UGT1A8: variants seen among roughly 807,000 people sequenced by gnomAD.
The protein encoded by UGT1A8 is UDP glucuronosyltransferase family 1 member A8, also known as UDP-glucuronosyltransferase 1A8.
A neutral mutation model predicts 45.3 loss-of-function variants in UGT1A8; 39 were observed. The observed-to-expected ratio is 0.86, with a 90% CI of 0.67 to 1.12. UGT1A8 has a LOEUF of 1.12. Ranked by LOEUF, UGT1A8 falls within the 50% of genes most tolerant of loss-of-function variation. UGT1A8 has a pLI of 0.00. For missense variants in UGT1A8, 719 were observed against 664.9 expected (o/e 1.08, Z -0.90); for synonymous variants, 275 against 249.2 (o/e 1.10, Z -0.97).
chr2:233,760,682 A>G lies in UGT1A8; in HGVS notation c.856-6352A>G. On this transcript the variant is annotated intron_variant, in intron 1 of 4. Transcript: ENST00000373450. ...TTGTCTGGCTGTTCCCACTTACTGC[A>G]CAACAAGGAGCTCATGGCCTCCCTG... The G allele has an allele frequency of 6.2e-7, 1 of 1,614,208 alleles. No homozygotes were observed. The highest frequency in any genetic ancestry group is 1.1e-5 in the South Asian group (1 of 91,088).
Position 233,767,908 on chromosome 2 carries a change from T to C in UGT1A8, c.1047T>C (p.Val349=). ...PSNLANNTIL[V]KWLPQNDLLG... ...ATCTTGCGAACAACACGATACTTGT[T>C]AAGTGGCTACCCCAAAACGATCTGC... The change falls in exon 3 of 5, where the codon GTT becomes GTC. Residue 349 remains valine (V), a synonymous_variant. Coordinates refer to ENST00000373450, the MANE Select transcript of UGT1A8 (RefSeq NM_019076.5). 6.2e-7 allele frequency: 1 copy of C among 1,614,222 alleles called. No individual in the cohort carries two copies.
At chr2:233,708,644 G>A (rs970833084) in intron 1 of UGT1A8, 4 of 152,176 alleles carry the variant, frequency 2.6e-5, no homozygotes, top group African/African-American at 9.7e-5. Context: ...CTAACTACTC[G>A]GAAGGCTGAG....
intron 1 of UGT1A8, among the ~76,000 whole-genome samples, chr2:233,630,377 G>T (rs192137436): frequency 2.4e-4 from 37 of 152,206 alleles, no homozygotes; most frequent in Admixed American, 2.1e-3. Context: ...GTTCCTTAAG[G>T]TGTTGCCTGA....
chr2:233,714,121 CTGTT>C (rs2076367442), intron 1 of UGT1A8, among the ~76,000 whole-genome samples: 1 of 152,078 alleles, frequency 6.6e-6, no homozygotes, highest in African/African-American at 2.4e-5. Flanking sequence ...CTCACGGAGA[CTGTT>C]CGTTTGTAAA....
chr2:233,637,277 T>C (rs1227366089), intron 1 of UGT1A8: 1 of 1,613,978 alleles, frequency 6.2e-7, no homozygotes, highest in South Asian at 1.1e-5. Context: ...TCAATTTGGT[T>C]GTTGCGAACG....
intron 1 of UGT1A8, chr2:233,729,148 C>A: frequency 6.2e-7 from 1 of 1,613,474 alleles, no homozygotes; most frequent in Non-Finnish European, 8.5e-7. Flanking sequence ...ACTCCAGGTT[C>A]CCCTGCCGTG....
rs1285354199 is a variant in UGT1A8 at position 233,768,247 on chromosome 2, C to T, written c.1103C>T (p.Thr368Ile). The part of the protein sequence containing the change: ...LGHPMTRAFI[T>I]HAGSHGVYES... ...CACCCGATGACCCGTGCCTTTATCA[C>T]CCATGCTGGTTCCCATGGTGTTTAT... Residue 368 changes from threonine to isoleucine, a missense_variant, in exon 4 of 5, where the codon ACC (threonine) becomes ATC (isoleucine). By Grantham distance (89) the Thr-to-Ile change is moderately conservative (BLOSUM62 -1). Coordinates refer to ENST00000373450, the MANE Select transcript of UGT1A8 (RefSeq NM_019076.5). 4 of 1,614,056 alleles carry T rather than the reference C, an allele frequency of 2.5e-6. No individual in the cohort carries two copies. Among genetic ancestry groups the T allele is most frequent in the Non-Finnish European group, 3.4e-6 (4 of 1,180,046 alleles).
At chr2:233,754,816 C>A (rs1436374253) in intron 1 of UGT1A8, 2 of 1,325,550 alleles carry the variant, frequency 1.5e-6, no homozygotes, top group Admixed American at 3.9e-5. Context: ...GAAAAACCAC[C>A]CTCAAAAGCT....
At chr2:233,639,630 G>A (rs1305633711) in intron 1 of UGT1A8, among the ~76,000 whole-genome samples, 2 of 152,168 alleles carry the variant, frequency 1.3e-5, no homozygotes, top group African/African-American at 2.4e-5. Context: ...GTGTGTTTGC[G>A]TGCAGTGTCC....
chr2:233,737,366 G>T (rs1427441917), intron 1 of UGT1A8, among the ~76,000 whole-genome samples: 1 of 152,256 alleles, frequency 6.6e-6, no homozygotes, highest in Non-Finnish European at 1.5e-5. Context: ...GCTAAGCCAG[G>T]CAGGGGAGAG....
chr2:233,702,196 C>G lies in UGT1A8; in HGVS notation c.856-64838C>G, dbSNP rs575062785. On this transcript the variant is annotated intron_variant, in intron 1 of 4. Coordinates refer to ENST00000373450, the MANE Select transcript of UGT1A8 (RefSeq NM_019076.5). ...TTTCTCTCCTTCCTCCAGCCCCTGG[C>G]AGCCATTAATCAACTTTCTGTCCTT... Among the ~76,000 whole-genome samples, 5 of 152,328 alleles carry G rather than the reference C, an allele frequency of 3.3e-5. No individual in the cohort carries two copies. The South Asian group carries it at 1.0e-3, about 32-fold the overall frequency.
rs764434525 is a variant in UGT1A8 at position 233,617,836 on chromosome 2, G to C, written c.129G>C (p.Ser43=). The change falls in exon 1 of 5, where the codon TCG becomes TCC. Residue 43 remains serine, a synonymous_variant. Coordinates refer to ENST00000373450, the MANE Select transcript of UGT1A8 (RefSeq NM_019076.5). Reference sequence around the variant, plus strand: ...GGAGTCACTGGTTCACCATGCAGTCGGTGGTGGAGAAACTTATCCTCAGGG... The same window carrying C: ...GGAGTCACTGGTTCACCATGCAGTCCGTGGTGGAGAAACTTATCCTCAGGG... ...MDGSHWFTMQ[S]VVEKLILRGH... is the part of the protein sequence containing the mutation. 6.3e-5 allele frequency: 102 copies of C among 1,613,958 alleles called. No individual in the cohort carries two copies. The highest frequency in any genetic ancestry group is 8.4e-5 in the Non-Finnish European group (99 of 1,180,012).
chr2:233,706,284 C>G (rs1160416352), intron 1 of UGT1A8, among the ~76,000 whole-genome samples: 2 of 151,946 alleles, frequency 1.3e-5, no homozygotes, highest in Non-Finnish European at 1.5e-5. Flanking sequence ...AGGGGTGGGG[C>G]CCAGTGCCAG....
At chr2:233,640,331 T>C (rs1472669269) in intron 1 of UGT1A8, among the ~76,000 whole-genome samples, 3 of 152,178 alleles carry the variant, frequency 2.0e-5, no homozygotes, top group Non-Finnish European at 4.4e-5. Flanking sequence ...AAAGAAACTT[T>C]TTGGCTGTCA....
chr2:233,641,968 A>C (rs558165028), intron 1 of UGT1A8, among the ~76,000 whole-genome samples: 2 of 152,186 alleles, frequency 1.3e-5, no homozygotes, highest in Admixed American at 1.3e-4. Context: ...TTTGATTATT[A>C]AATGCCTTGA....
chr2:233,695,740 C>T (rs1326853599), intron 1 of UGT1A8, among the ~76,000 whole-genome samples: 2 of 152,142 alleles, frequency 1.3e-5, no homozygotes, highest in African/African-American at 4.8e-5. Context: ...TGTTGCTGCA[C>T]ATGACAGGTC....
In UGT1A8 at chr2:233,769,763, G is replaced by A; in HGVS notation, c.1295+1324G>A. 4 of 1,411,540 alleles carry A rather than the reference G, an allele frequency of 2.8e-6. No homozygotes were observed. The South Asian group carries it at 4.7e-5, about 17-fold the overall frequency. The allele number at this position is 1,411,540 out of a possible 1,614,324, so 87.4% of individuals were successfully genotyped here. A position where few individuals can be genotyped will look rare whatever the true frequency, so the allele number is the denominator to read the frequency against. ...CCAGCCACTCTGGAGGCTAAGGCGG[G>A]AGGATTGCTTGAGCCCAGAAGTTGG... On this transcript the variant is annotated intron_variant, in intron 4 of 4. Transcript: ENST00000373450. The surrounding 1 kb of genome is among the most constrained non-coding windows in gnomAD (Gnocchi z 4.4).
At chr2:233,663,743 T>C (rs1330637498) in intron 1 of UGT1A8, among the ~76,000 whole-genome samples, 1 of 152,204 alleles carries the variant, frequency 6.6e-6, no homozygotes, top group Non-Finnish European at 1.5e-5. Context: ...GTTCAGTCTA[T>C]GTCCAGGAAT....
At chr2:233,627,222 C>T (rs1202653613) in intron 1 of UGT1A8, among the ~76,000 whole-genome samples, 2 of 151,984 alleles carry the variant, frequency 1.3e-5, no homozygotes, top group African/African-American at 4.8e-5. Flanking sequence ...TGTATTAAAA[C>T]CCTGTTCAGG....
Sources: allele counts gnomAD v4.1 joint callset (sites outside exome capture counted in the v4.1 genomes callset), GRCh38; gene constraint gnomAD v4.1.1; non-coding constraint Gnocchi (gnomAD v3.1); transcripts MANE v1.5; gene names NCBI Gene and HGNC (gene_info 2026-07-23, HGNC 2026-07-21).